FBN1: variants seen among roughly 807,000 people sequenced by gnomAD.
The protein encoded by FBN1 is fibrillin-1.
Under a neutral mutation model 365.1 loss-of-function variants are expected in FBN1, and 29 were observed. That is an observed-to-expected ratio of 0.08 (90% CI 0.06 to 0.11). The LOEUF (loss-of-function observed/expected upper bound fraction) is 0.11, where lower values mean the gene tolerates loss of function less well. Among genes scored for constraint, FBN1 ranks in the 10% least tolerant of loss-of-function variants. The pLI is 1.00. For synonymous variants in FBN1, 1,210 were observed against 1,270.5 expected (o/e 0.95, Z 1.01); for missense variants, 2,476 against 3,703.2 (o/e 0.67, Z 8.60).
intron 6 of FBN1, among the ~76,000 whole-genome samples, chr15:48,573,323 CATG>C (rs1289237418): frequency 6.6e-6 from 1 of 152,132 alleles, no homozygotes; most frequent in South Asian, 2.1e-4. Flanking sequence ...TAACTCATAT[CATG>C]ATGCCCATTA....
At chr15:48,489,005 A>G (rs768161940) in intron 25 of FBN1, among the ~76,000 whole-genome samples, 8 of 152,078 alleles carry the variant, frequency 5.3e-5, no homozygotes, top group Non-Finnish European at 8.8e-5. Flanking sequence ...TGTACAATTT[A>G]AAAATATTTT....
chr15:48,644,598 T>G lies in FBN1; in HGVS notation c.164+8A>C. Reference sequence around the variant, plus strand: ...ACCCACACCAAAGGAGGGAACCGGTTCCTTTACCCTTTAAGCGCGTCGTGT... The same window carrying G: ...ACCCACACCAAAGGAGGGAACCGGTGCCTTTACCCTTTAAGCGCGTCGTGT... On this transcript the variant is annotated splice_region_variant and intron_variant, in intron 2 of 65. Transcript: ENST00000316623. 1 of 1,614,134 alleles carries G rather than the reference T, an allele frequency of 6.2e-7. No homozygotes were observed. The highest frequency in any genetic ancestry group is 8.5e-7 in the Non-Finnish European group (1 of 1,180,016).
rs367594261 is a variant in FBN1, at chr15:48,464,024, A to G, written c.4943-3T>C. 1.1e-5 allele frequency: 18 copies of G among 1,613,640 alleles called. No individual in the cohort carries two copies. Among genetic ancestry groups the G allele is most frequent in the Non-Finnish European group, 1.5e-5 (18 of 1,179,840 alleles). ...AGGAGTCTCACATTCATTCACATCT[A>G]TAATCCAAAGAGAAAGTGGTATGTG... On this transcript the variant is annotated splice_region_variant and splice_polypyrimidine_tract_variant and intron_variant, in intron 40 of 65. Coordinates refer to ENST00000316623, the MANE Select transcript of FBN1 (RefSeq NM_000138.5).
chr15:48,446,931 C>T, intron 46 of FBN1, 109 bp from the exon 47 acceptor site: 1 of 728,120 alleles, frequency 1.4e-6, no homozygotes, highest in Non-Finnish European at 2.5e-6. Flanking sequence ...CATCCATAGG[C>T]TGAGAACTTC....
At chr15:48,469,371 T>TC (rs2043352358) in intron 36 of FBN1, among the ~76,000 whole-genome samples, 1 of 152,072 alleles carries the variant, frequency 6.6e-6, no homozygotes, top group African/African-American at 2.4e-5. Context: ...CTTAGTGTGT[T>TC]CCCTGAGGTC....
intron 19 of FBN1, 35 bp from the exon 20 acceptor site, chr15:48,496,260 G>T: frequency 2.5e-6 from 4 of 1,612,856 alleles, no homozygotes; most frequent in Non-Finnish European, 3.4e-6. Flanking sequence ...CTTAAAAAGG[G>T]CCCAAACTTT....
intron 18 of FBN1, 136 bp downstream of exon 18, chr15:48,498,849 C>G: frequency 1.1e-6 from 1 of 887,354 alleles, no homozygotes. Context: ...CTGAGCATCC[C>G]AGATACATGG....
At position 48,644,815 on chromosome 15, in the gene FBN1, G is replaced by A; in HGVS notation, c.-46C>T. The stretch of plus-strand genomic sequence containing the variant: ...TCCCGCCGCCTCTTGCCGCGCCCGG[G>A]GCTCGGTCTGCGGCCGCCGCTGCGC... On this transcript the variant is annotated 5_prime_UTR_variant, in exon 2 of 66. Coordinates refer to ENST00000316623, the MANE Select transcript of FBN1 (RefSeq NM_000138.5). The A allele has an allele frequency of 7.6e-6, 12 of 1,578,974 alleles. No individual in the cohort carries two copies. The highest frequency in any genetic ancestry group is 9.4e-6 in the Non-Finnish European group (11 of 1,167,380).
At chr15:48,595,387 A>G (rs941963235) in intron 6 of FBN1, among the ~76,000 whole-genome samples, 1 of 152,210 alleles carries the variant, frequency 6.6e-6, no homozygotes, top group Admixed American at 6.5e-5. Flanking sequence ...CAAATTTTCA[A>G]TTACAGTTTT....
At chr15:48,512,821 T>C (rs1296309311) in intron 13 of FBN1, among the ~76,000 whole-genome samples, 3 of 152,134 alleles carry the variant, frequency 2.0e-5, no homozygotes, top group Non-Finnish European at 4.4e-5. Context: ...GTGCTTAATT[T>C]AGAGATAGAG....
intron 31 of FBN1, among the ~76,000 whole-genome samples, chr15:48,483,042 C>A (rs1400398369): frequency 6.6e-6 from 1 of 152,114 alleles, no homozygotes; most frequent in Non-Finnish European, 1.5e-5. Flanking sequence ...TCTAGGAATA[C>A]AAAAATATCT....
Position 48,448,886 on chromosome 15 carries a change from A to G in FBN1, c.5553T>C (p.Asn1851=). 6.2e-7 allele frequency: 1 copy of G among 1,611,570 alleles called. No homozygotes were observed. The highest frequency in any genetic ancestry group is 8.5e-7 in the Non-Finnish European group (1 of 1,178,086). ...FTSTGQCNDR[N]ECQEIPNICS... ...ATATATTGGGGATTTCTTGACATTCATTACGATCTGTAAATAAGAAGCATC... is the reference window on the plus strand; with the variant it reads ...ATATATTGGGGATTTCTTGACATTCGTTACGATCTGTAAATAAGAAGCATC... The change falls in exon 46 of 66, where the codon AAT becomes AAC. Residue 1851 remains asparagine (N), a synonymous_variant. Transcript: ENST00000316623.
At chr15:48,621,270 A>G (rs1011206023) in intron 2 of FBN1, among the ~76,000 whole-genome samples, 1 of 152,220 alleles carries the variant, frequency 6.6e-6, no homozygotes, top group South Asian at 2.1e-4. Context: ...AGTACAGTAT[A>G]AAGGGAGGGG....
In FBN1 at chr15:48,516,056, T is replaced by G. The variant is rs941808935; in HGVS notation, c.1327+127A>C. 9.2e-6 allele frequency: 9 copies of G among 981,350 alleles called. No homozygotes were observed. The East Asian group carries it at 2.4e-4, about 26-fold the overall frequency. 60.8% of individuals were successfully genotyped at this position (981,350 alleles called of 1,614,324 possible). Reference sequence around the variant, plus strand: ...TATGATATAGATATAGATAACATTATGTAAACCAAAAATTAATATAACAAT... The same window carrying G: ...TATGATATAGATATAGATAACATTAGGTAAACCAAAAATTAATATAACAAT... On this transcript the variant is annotated intron_variant, in intron 11 of 65. Transcript: ENST00000316623.
At chr15:48,609,580 G>A (rs2044641602) in intron 4 of FBN1, among the ~76,000 whole-genome samples, 2 of 152,214 alleles carry the variant, frequency 1.3e-5, no homozygotes, top group African/African-American at 2.4e-5. Context: ...TGAACCTCAT[G>A]GTTATCCAAA....
chr15:48,634,838 CAAAA>C (rs750793468), intron 2 of FBN1, among the ~76,000 whole-genome samples: 129 of 39,312 alleles, frequency 3.3e-3, no homozygotes, highest in Middle Eastern at 0.014. Context: ...AAGAAGAAAC[CAAAA>C]AAAAAAAAAA....
intron 2 of FBN1, among the ~76,000 whole-genome samples, chr15:48,624,234 A>G (rs965370240): frequency 2.0e-5 from 3 of 152,232 alleles, no homozygotes; most frequent in Admixed American, 1.3e-4. Context: ...TCATGTGTGC[A>G]GCAAGTCAGC....
At chr15:48,500,985 A>T (rs548176797) in intron 17 of FBN1, among the ~76,000 whole-genome samples, 12 of 152,228 alleles carry the variant, frequency 7.9e-5, no homozygotes, top group Non-Finnish European at 1.0e-4. Flanking sequence ...GAAATGAGGG[A>T]TATCCTACAT....
chr15:48,426,166 G>A (rs1191469109), intron 58 of FBN1, among the ~76,000 whole-genome samples: 6 of 152,104 alleles, frequency 3.9e-5, no homozygotes, highest in Non-Finnish European at 8.8e-5. Flanking sequence ...ACCCCATCTA[G>A]ACATATTTGG....
Sources: allele counts gnomAD v4.1 joint callset (sites outside exome capture counted in the v4.1 genomes callset), GRCh38; gene constraint gnomAD v4.1.1; transcripts MANE v1.5; gene names NCBI Gene and HGNC (gene_info 2026-07-23, HGNC 2026-07-21).